Variants in MSR1 observed in about 807,000 individuals in gnomAD.
The protein encoded by MSR1 is macrophage scavenger receptor 1, also known as macrophage scavenger receptor types I and II.
A neutral mutation model predicts 47.2 loss-of-function variants in MSR1; 53 were observed. The ratio of observed to expected loss-of-function variants is 1.12; its 90% confidence interval spans 0.90 to 1.41. MSR1 has a LOEUF of 1.41. MSR1 is among the 40% of genes most tolerant of loss of function. The pLI is 0.00. For missense variants in MSR1, 786 were observed against 546.9 expected, an observed-to-expected ratio of 1.44 and a Z score of -4.36; for synonymous variants, 239 against 185.6, an observed-to-expected ratio of 1.29 and a Z score of -2.34.
intron 3 of MSR1, among the ~76,000 whole-genome samples, chr8:16,170,000 C>A (rs1232365602): frequency 1.3e-5 from 2 of 151,992 alleles, no homozygotes; most frequent in Non-Finnish European, 2.9e-5. Context: ...CTGAAATAAT[C>A]TAAAGCAATA....
At chr8:16,165,979 G>C (rs1801294069) in intron 4 of MSR1, among the ~76,000 whole-genome samples, 1 of 151,988 alleles carries the variant, frequency 6.6e-6, no homozygotes, top group Non-Finnish European at 1.5e-5. Context: ...GATGTTTGTA[G>C]GGCACACCGC....
At chr8:16,162,472 C>T (rs565017903) in intron 5 of MSR1, among the ~76,000 whole-genome samples, 3 of 151,892 alleles carry the variant, frequency 2.0e-5, no homozygotes, top group African/African-American at 2.4e-5. Flanking sequence ...TAAATTCATG[C>T]GCAAATTTAA....
Position 16,170,024 on chromosome 8 carries a change from C to CA in MSR1, c.218-1155dup, listed in dbSNP as rs558653579. Reference sequence around the variant, plus strand: ...TCTAAAGCAATATGTTTTCTAGTTTCAAAAAAATAAAAGGCTTAAACATTA... The same window carrying CA: ...TCTAAAGCAATATGTTTTCTAGTTTCAAAAAAAATAAAAGGCTTAAACATTA... On this transcript the variant is annotated intron_variant, in intron 3 of 9. Transcript: ENST00000262101. Among the ~76,000 whole-genome samples, 245 of 151,954 alleles carry CA rather than the reference C, an allele frequency of 1.6e-3. 3 individuals carry two copies. The highest frequency in any genetic ancestry group is 5.6e-3 in the African/African-American group (234 of 41,462).
chr8:16,184,684 G>C (rs1452832219), intron 1 of MSR1, among the ~76,000 whole-genome samples: 2 of 152,116 alleles, frequency 1.3e-5, no homozygotes, highest in African/African-American at 2.4e-5. Flanking sequence ...TAGTGACCTG[G>C]ATTAATATTA....
chr8:16,141,590 T>C (rs1585154848), intron 8 of MSR1, among the ~76,000 whole-genome samples: 1 of 152,172 alleles, frequency 6.6e-6, no homozygotes, highest in East Asian at 1.9e-4. Flanking sequence ...TTTAAAGCAT[T>C]ATGCAGTTGT....
intron 9 of MSR1, among the ~76,000 whole-genome samples, chr8:16,118,208 A>G (rs1367731892): frequency 6.6e-6 from 1 of 152,180 alleles, no homozygotes; most frequent in African/African-American, 2.4e-5. Flanking sequence ...ACAAAAGCAC[A>G]TCTTGAGAAT....
chr8:16,156,751 C>A lies in MSR1; in HGVS notation c.818-1607G>T, dbSNP rs986196050. Among the ~76,000 whole-genome samples, 4 of 151,684 alleles carry A rather than the reference C, an allele frequency of 2.6e-5. 1 individual carries two copies. Among genetic ancestry groups the A allele is most frequent in the South Asian group, 2.1e-4 (1 of 4,810 alleles). On this transcript the variant is annotated intron_variant, in intron 5 of 9. Transcript: ENST00000262101. ...GTCATGCAAACAACATGTTACAGGG[C>A]TTTTAGAAATTAACTGGTGTATTAT...
intron 5 of MSR1, among the ~76,000 whole-genome samples, chr8:16,157,542 C>T (rs73665230): frequency 0.04 from 6,089 of 151,978 alleles, 440 homozygotes; most frequent in African/African-American, 0.14. Flanking sequence ...ACATTAATCT[C>T]ACATTATGTT....
At chr8:16,148,909 T>C (rs1217861274) in intron 7 of MSR1, among the ~76,000 whole-genome samples, 1 of 152,110 alleles carries the variant, frequency 6.6e-6, no homozygotes, top group Non-Finnish European at 1.5e-5. Flanking sequence ...TTCATATTGC[T>C]AAGTGAAAGA....
At chr8:16,127,115 CT>C (rs1439789436) in intron 8 of MSR1, among the ~76,000 whole-genome samples, 1 of 152,138 alleles carries the variant, frequency 6.6e-6, no homozygotes, top group East Asian at 1.9e-4. Context: ...AGTTTCTCAA[CT>C]ACTTTGTGCT....
chr8:16,189,592 TTTA>T (rs1802126069), intron 1 of MSR1, among the ~76,000 whole-genome samples: 1 of 92,194 alleles, frequency 1.1e-5, no homozygotes, highest in African/African-American at 5.9e-5. Context: ...TTATATATAT[TTTA>T]TATATATATA....
intron 8 of MSR1, among the ~76,000 whole-genome samples, chr8:16,132,414 T>C (rs1800282035): frequency 6.6e-6 from 1 of 152,148 alleles, no homozygotes; most frequent in Non-Finnish European, 1.5e-5. Flanking sequence ...TTTCTAGATA[T>C]AGAATCATGT....
chr8:16,116,905 A>G (rs1372303985), intron 9 of MSR1, among the ~76,000 whole-genome samples: 1 of 151,914 alleles, frequency 6.6e-6, no homozygotes, highest in Non-Finnish European at 1.5e-5. Context: ...TTCATACTAC[A>G]GGCTGTATGT....
intron 1 of MSR1, among the ~76,000 whole-genome samples, chr8:16,183,349 T>C (rs183136775): frequency 2.0e-5 from 3 of 151,838 alleles, no homozygotes; most frequent in East Asian, 3.9e-4. Flanking sequence ...TCTGAACGAG[T>C]AGGGACCATG....
At chr8:16,175,560 T>G (rs1469839642) in intron 2 of MSR1, among the ~76,000 whole-genome samples, 1 of 152,228 alleles carries the variant, frequency 6.6e-6, no homozygotes, top group Non-Finnish European at 1.5e-5. Flanking sequence ...AAGTTGTGCT[T>G]GTTTGATCTT....
chr8:16,170,828 C>A (rs1563164472), intron 3 of MSR1, among the ~76,000 whole-genome samples: 1 of 152,170 alleles, frequency 6.6e-6, no homozygotes, highest in Non-Finnish European at 1.5e-5. Context: ...ACTTATCGCT[C>A]TCCTTGCTTT....
chr8:16,186,200 A>G, intron 1 of MSR1: 1 of 1,535,480 alleles, frequency 6.5e-7, no homozygotes, highest in East Asian at 2.4e-5. Context: ...TTGCACTGAG[A>G]TAGCACATCC....
chr8:16,166,870 G>A (rs1459502669), intron 4 of MSR1, among the ~76,000 whole-genome samples: 1 of 151,580 alleles, frequency 6.6e-6, no homozygotes, highest in Admixed American at 6.6e-5. Flanking sequence ...AAGATTCAAA[G>A]GTCAATAAAA....
intron 8 of MSR1, among the ~76,000 whole-genome samples, chr8:16,123,380 T>C (rs12114696): frequency 0.032 from 4,887 of 152,262 alleles, 166 homozygotes; most frequent in East Asian, 0.13. Context: ...AAGTTCATTT[T>C]GTCATCAACC....
Sources: gnomAD v4.1 joint callset for allele counts (sites outside exome capture counted in the v4.1 genomes callset) on GRCh38, gnomAD v4.1.1 for gene constraint, MANE v1.5 for transcripts, NCBI Gene and HGNC (gene_info 2026-07-23, HGNC 2026-07-21) for gene names.